Variants in GRIA4 observed in about 807,000 individuals in gnomAD.
GRIA4 encodes glutamate receptor 4.
GRIA4 carries 34 observed loss-of-function variants against 104.0 expected under a neutral mutation model. That is an observed-to-expected ratio of 0.33 (90% CI 0.25 to 0.44). The LOEUF (loss-of-function observed/expected upper bound fraction) is 0.44. Ranked by LOEUF, GRIA4 falls within the 20% of genes least tolerant of loss-of-function variation. The probability of loss-of-function intolerance (pLI) is 1.00; values close to 1 mark genes in which losing one functional copy is unlikely to be tolerated. For missense variants in GRIA4, 750 were observed against 1,096.5 expected (o/e 0.68, Z 4.46); for synonymous variants, 386 against 381.9 (o/e 1.01, Z -0.13).
chr11:105,772,227 T>C (rs530079943), intron 4 of GRIA4, among the ~76,000 whole-genome samples: 6 of 152,242 alleles, frequency 3.9e-5, no homozygotes, highest in Middle Eastern at 3.4e-3. Context: ...GTGAATACCA[T>C]AAACCCTGAA....
rs1476051050 is a variant in GRIA4, at chr11:105,701,798, T to C, written c.248-51183T>C. 2.0e-5 allele frequency among the ~76,000 whole-genome samples: 3 copies of C among 152,184 alleles called. No homozygotes were observed. The East Asian group carries it at 5.8e-4, about 29-fold the overall frequency. On this transcript the variant is annotated intron_variant, in intron 3 of 16. Transcript: ENST00000282499. ...AATAAGCATAATACACATTTAGACC[T>C]AATACTATGAAATTTTAAACTGACT...
At chr11:105,732,736 G>A (rs1437432767) in intron 3 of GRIA4, among the ~76,000 whole-genome samples, 1 of 152,168 alleles carries the variant, frequency 6.6e-6, no homozygotes, top group Admixed American at 6.6e-5. Flanking sequence ...AGGCAATGAG[G>A]CAATAAGTTA....
intron 4 of GRIA4, among the ~76,000 whole-genome samples, chr11:105,810,736 C>G (rs1375135710): frequency 6.6e-6 from 1 of 152,086 alleles, no homozygotes; most frequent in East Asian, 1.9e-4. Flanking sequence ...TAAAGCCTGC[C>G]TGAATATTCA....
chr11:105,658,661 A>G (rs1951913930), intron 3 of GRIA4, among the ~76,000 whole-genome samples: 1 of 151,862 alleles, frequency 6.6e-6, no homozygotes. Flanking sequence ...TTATTTTGGG[A>G]GTGATAGTTG....
chr11:105,785,027 C>A (rs1941897309), intron 4 of GRIA4, among the ~76,000 whole-genome samples: 1 of 152,080 alleles, frequency 6.6e-6, no homozygotes, highest in African/African-American at 2.4e-5. Context: ...TAAGCCCATG[C>A]AGCGTTCCAG....
chr11:105,898,405 C>A lies in GRIA4; in HGVS notation c.863C>A (p.Pro288Gln). 1 of 1,588,594 alleles carries A rather than the reference C, an allele frequency of 6.3e-7. No homozygotes were observed. Among genetic ancestry groups the A allele is most frequent in the Non-Finnish European group, 8.6e-7 (1 of 1,157,766 alleles). The change falls in exon 7 of 17, where the codon CCA (proline) becomes CAA (glutamine). Residue 288 changes from proline (P) to glutamine (Q), a missense_variant. Pro to Gln is a moderately conservative substitution (Grantham distance 76, BLOSUM62 -1). Transcript: ENST00000282499. ...AAGAAACTAGATCAGAGAGAGTATCCAGGATCTGAGACTCCTCCAAAGGTA... is the reference window on the plus strand; with the variant it reads ...AAGAAACTAGATCAGAGAGAGTATCAAGGATCTGAGACTCCTCCAAAGGTA... ...RWKKLDQREY[P>Q]GSETPPKYTS...
chr11:105,936,873 A>G (rs1806108292), intron 14 of GRIA4, among the ~76,000 whole-genome samples: 1 of 152,174 alleles, frequency 6.6e-6, no homozygotes, highest in African/African-American at 2.4e-5. Flanking sequence ...TTCAGACTTT[A>G]TTTCAGACTA....
At chr11:105,861,952 G>C in intron 4 of GRIA4, 72 bp from the exon 5 acceptor site, 1 of 868,870 alleles carries the variant, frequency 1.2e-6, no homozygotes, top group Non-Finnish European at 1.9e-6. Context: ...TGTTGATATA[G>C]GCTCAGTACC....
chr11:105,866,077 C>T (rs1183590586), intron 5 of GRIA4, among the ~76,000 whole-genome samples: 1 of 152,026 alleles, frequency 6.6e-6, no homozygotes, highest in Non-Finnish European at 1.5e-5. Flanking sequence ...TATGATGGTT[C>T]CAACAAAATG....
chr11:105,937,217 G>T, intron 14 of GRIA4, among the ~76,000 whole-genome samples: 1 of 152,028 alleles, frequency 6.6e-6, no homozygotes, highest in Non-Finnish European at 1.5e-5. Context: ...GTAAAGTTTA[G>T]AAGAAAGAGG....
chr11:105,655,316 CT>C (rs906628762), intron 3 of GRIA4, among the ~76,000 whole-genome samples: 1 of 151,940 alleles, frequency 6.6e-6, no homozygotes, highest in African/African-American at 2.4e-5. Context: ...TACATCTAAC[CT>C]TTTTGTATAG....
chr11:105,662,647 C>G (rs1041123712), intron 3 of GRIA4, among the ~76,000 whole-genome samples: 1 of 151,916 alleles, frequency 6.6e-6, no homozygotes, highest in South Asian at 2.1e-4. Flanking sequence ...ATTCTTTACT[C>G]ATTCTGAAGT....
At chr11:105,747,352 AAC>A (rs570835771) in intron 3 of GRIA4, among the ~76,000 whole-genome samples, 105 of 152,316 alleles carry the variant, frequency 6.9e-4, no homozygotes, top group African/African-American at 2.1e-3. Context: ...TACGAATTAG[AAC>A]ACACACAAAA....
At chr11:105,630,550 A>C (rs1001799104) in intron 3 of GRIA4, among the ~76,000 whole-genome samples, 1 of 152,166 alleles carries the variant, frequency 6.6e-6, no homozygotes, top group Non-Finnish European at 1.5e-5. Flanking sequence ...AGAGACAAGC[A>C]AGACTCCTTC....
intron 4 of GRIA4, among the ~76,000 whole-genome samples, chr11:105,815,516 G>A (rs1943339861): frequency 6.6e-6 from 1 of 152,132 alleles, no homozygotes; most frequent in Non-Finnish European, 1.5e-5. Context: ...GCCCTCATGT[G>A]TTGGGTCACC....
At chr11:105,931,272 AC>A (rs2136206880) in intron 13 of GRIA4, among the ~76,000 whole-genome samples, 1 of 148,018 alleles carries the variant, frequency 6.8e-6, no homozygotes, top group South Asian at 2.1e-4. Context: ...AAATACACAC[AC>A]ACACACACAC....
intron 3 of GRIA4, chr11:105,614,186 AATT>A (rs1277547793): frequency 5.3e-5 from 8 of 151,720 alleles, no homozygotes; most frequent in African/African-American, 1.9e-4. Flanking sequence ...TTAACATATT[AATT>A]ATTATTATTA....
intron 14 of GRIA4, among the ~76,000 whole-genome samples, chr11:105,956,641 C>A (rs529214469): frequency 6.6e-6 from 1 of 152,194 alleles, no homozygotes; most frequent in East Asian, 1.9e-4. Flanking sequence ...GATGGCTGGG[C>A]CAAATGGTAT....
intron 5 of GRIA4, among the ~76,000 whole-genome samples, chr11:105,887,217 T>G (rs1366946021): frequency 6.6e-6 from 1 of 152,098 alleles, no homozygotes; most frequent in Non-Finnish European, 1.5e-5. Context: ...TGTTGATGTA[T>G]TCTCATGAGA....
Sources: allele counts gnomAD v4.1 joint callset (sites outside exome capture counted in the v4.1 genomes callset), GRCh38; gene constraint gnomAD v4.1.1; transcripts MANE v1.5; gene names NCBI Gene and HGNC (gene_info 2026-07-23, HGNC 2026-07-21).